Variants in ZNF92 observed in about 807,000 individuals in gnomAD.
ZNF92 encodes zinc finger protein 92, also known as epididymis luminal protein 203.
In ZNF92, 11 loss-of-function variants were observed where a neutral mutation model predicts 12.4. The ratio of observed to expected loss-of-function variants is 0.89; its 90% CI spans 0.56 to 1.47. ZNF92 has a LOEUF of 1.47. Among genes scored for constraint, ZNF92 ranks in the 40% most tolerant of loss-of-function variants. The pLI, the probability that ZNF92 is intolerant of heterozygous loss-of-function variation, is 0.00. For missense variants in ZNF92, 622 were observed against 681.0 expected, an observed-to-expected ratio of 0.91 and a Z score of 0.96; for synonymous variants, 206 against 228.6, an observed-to-expected ratio of 0.90 and a Z score of 0.89.
rs1793973737 is a variant in ZNF92 at position 65,400,127 on chromosome 7, A to AT, written c.*255dup. The AT allele has an allele frequency of 3.0e-6, 1 of 329,740 alleles. No individual in the cohort carries two copies. The allele number at this position is 329,740 out of a possible 1,614,324, so 20.4% of individuals were successfully genotyped here. A position where few individuals can be genotyped will look rare whatever the true frequency, so the allele number is the denominator to read the frequency against. On this transcript the variant is annotated 3_prime_UTR_variant, in exon 4 of 4. Coordinates refer to ENST00000328747, the MANE Select transcript of ZNF92 (RefSeq NM_152626.4). ...ATTGTATAAAGAATATGGAAAAGCCATTTATATCTGCTCACATGTAAAAAC... is the reference window on the plus strand; with the variant it reads ...ATTGTATAAAGAATATGGAAAAGCCATTTTATATCTGCTCACATGTAAAAAC...
intron 1 of ZNF92, among the ~76,000 whole-genome samples, chr7:65,377,567 G>A (rs1793279624): frequency 6.6e-6 from 1 of 151,808 alleles, no homozygotes; most frequent in African/African-American, 2.4e-5. Context: ...TTTTTGAGAT[G>A]GAGTCTTGCT....
At chr7:65,389,409 G>A (rs1026692641) in intron 3 of ZNF92, among the ~76,000 whole-genome samples, 1 of 152,124 alleles carries the variant, frequency 6.6e-6, no homozygotes, top group Admixed American at 6.5e-5. Flanking sequence ...TACAGTGAGA[G>A]CCAAAGTCCT....
In ZNF92 at chr7:65,398,993, C is replaced by T. The variant is rs144990507; in HGVS notation, c.879C>T (p.Ala293=). Residue 293 remains alanine (A), a synonymous_variant, in exon 4 of 4, where the codon GCC becomes GCT. Coordinates refer to ENST00000328747, the MANE Select transcript of ZNF92 (RefSeq NM_152626.4). ...ACAAATGTGAAGAATGTGGCAAGGC[C>T]TTTAACCAGTTCTCGATTCTTAATA... ...KPYKCEECGK[A]FNQFSILNKH... The T allele has an allele frequency of 1.7e-4, 271 of 1,612,574 alleles. 1 individual carries two copies. In the African/African-American group the frequency reaches 3.1e-3, roughly 19 times the overall value.
intron 1 of ZNF92, among the ~76,000 whole-genome samples, chr7:65,383,457 C>T (rs1793478349): frequency 6.6e-6 from 1 of 152,070 alleles, no homozygotes; most frequent in African/African-American, 2.4e-5. Flanking sequence ...AGGAGGCATT[C>T]TCTGCATTGT....
intron 3 of ZNF92, among the ~76,000 whole-genome samples, chr7:65,395,751 C>G (rs966252056): frequency 6.6e-6 from 1 of 152,082 alleles, no homozygotes; most frequent in African/African-American, 2.4e-5. Context: ...TTATCTCATG[C>G]TGGTACTTGA....
At chr7:65,394,071 T>G (rs1793789911) in intron 3 of ZNF92, among the ~76,000 whole-genome samples, 1 of 152,090 alleles carries the variant, frequency 6.6e-6, no homozygotes, top group Non-Finnish European at 1.5e-5. Context: ...TGTGTAAAAA[T>G]TTTGAAGTAT....
At position 65,376,835 on chromosome 7, in the gene ZNF92, C is replaced by G. The variant is rs1793255603; in HGVS notation, c.3+2835C>G. Among the ~76,000 whole-genome samples the G allele has an allele frequency of 2.0e-5, 3 of 152,110 alleles. 1 individual carries two copies. The South Asian group carries it at 6.2e-4, about 31-fold the overall frequency. On this transcript the variant is annotated intron_variant, in intron 1 of 3. Coordinates refer to ENST00000328747, the MANE Select transcript of ZNF92 (RefSeq NM_152626.4). Reference sequence around the variant, plus strand: ...CCAAGGAAAAGAATAGAGATAATCTCTCTTCCATTTTGGCTGTAGAAAATG... The same window carrying G: ...CCAAGGAAAAGAATAGAGATAATCTGTCTTCCATTTTGGCTGTAGAAAATG...
At chr7:65,376,943 A>T (rs112761397) in intron 1 of ZNF92, among the ~76,000 whole-genome samples, 74 of 152,248 alleles carry the variant, frequency 4.9e-4, no homozygotes, top group African/African-American at 1.7e-3. Flanking sequence ...TACAGCGAAT[A>T]TGTCTGTTCT....
At position 65,400,660 on chromosome 7, in the gene ZNF92, A is replaced by G. The variant is rs1793990278; in HGVS notation, c.*785A>G. On this transcript the variant is annotated 3_prime_UTR_variant, in exon 4 of 4. Transcript: ENST00000328747. ...TTATATATAACTTTAAAAGAAGTAGAAGATTTTTTGGAGATTTATAATTAC... is the reference window on the plus strand; with the variant it reads ...TTATATATAACTTTAAAAGAAGTAGGAGATTTTTTGGAGATTTATAATTAC... 6.6e-6 allele frequency: 1 copy of G among 151,990 alleles called. No individual in the cohort carries two copies. Among genetic ancestry groups the G allele is most frequent in the Admixed American group, 6.6e-5 (1 of 15,254 alleles). The allele number at this position is 151,990 out of a possible 1,614,324, so 9.4% of individuals were successfully genotyped here. A position where few individuals can be genotyped will look rare whatever the true frequency, so the allele number is the denominator to read the frequency against.
intron 3 of ZNF92, among the ~76,000 whole-genome samples, chr7:65,391,656 C>T (rs529400217): frequency 4.5e-4 from 68 of 152,066 alleles, no homozygotes; most frequent in Non-Finnish European, 8.1e-4. Flanking sequence ...TATTTGGCAA[C>T]GTAAGGCTAT....
At chr7:65,374,740 G>A (rs568673304) in intron 1 of ZNF92, among the ~76,000 whole-genome samples, 2 of 151,058 alleles carry the variant, frequency 1.3e-5, no homozygotes, top group Non-Finnish European at 3.0e-5. Context: ...TTTAAAGTAG[G>A]AACCCAGGGA....
chr7:65,378,576 A>G (rs1214359368), intron 1 of ZNF92, among the ~76,000 whole-genome samples: 2 of 151,250 alleles, frequency 1.3e-5, no homozygotes, highest in African/African-American at 4.9e-5. Context: ...CTCCATCTCT[A>G]CTAAAAATAC....
rs922293732 is a variant in ZNF92 at position 65,389,485 on chromosome 7, G to A, written c.226+584G>A. Reference sequence around the variant, plus strand: ...CATTGCTTTTGAGGACACACAAATAGCTGCATAATTTTGAGAAACTCTGTT... The same window carrying A: ...CATTGCTTTTGAGGACACACAAATAACTGCATAATTTTGAGAAACTCTGTT... On this transcript the variant is annotated intron_variant, in intron 3 of 3. Coordinates refer to ENST00000328747, the MANE Select transcript of ZNF92 (RefSeq NM_152626.4). Among the ~76,000 whole-genome samples the A allele has an allele frequency of 5.9e-5, 9 of 152,018 alleles. 1 individual carries two copies. Among genetic ancestry groups the A allele is most frequent in the Admixed American group, 5.9e-4 (9 of 15,256 alleles).
rs577667504 is a variant in ZNF92 at position 65,389,186 on chromosome 7, C to T, written c.226+285C>T. 3.7e-4 allele frequency among the ~76,000 whole-genome samples: 57 copies of T among 152,040 alleles called. 1 individual carries two copies. In the South Asian group the frequency reaches 1.0e-2, roughly 27 times the overall value. On this transcript the variant is annotated intron_variant, in intron 3 of 3. Coordinates refer to ENST00000328747, the MANE Select transcript of ZNF92 (RefSeq NM_152626.4). ...GTTGGTCAGGCTAGTCTCGAACTCTCGACTTCAGGTGATCCGCCCGCCTCA... is the reference window on the plus strand; with the variant it reads ...GTTGGTCAGGCTAGTCTCGAACTCTTGACTTCAGGTGATCCGCCCGCCTCA...
intron 2 of ZNF92, 98 bp downstream of exon 2, chr7:65,388,126 G>A: frequency 7.6e-7 from 1 of 1,307,384 alleles, no homozygotes; most frequent in Non-Finnish European, 1.0e-6. Context: ...GCATAAATGA[G>A]TTTCAGATCC....
chr7:65,389,590 C>G (rs1475540432), intron 3 of ZNF92, among the ~76,000 whole-genome samples: 1 of 151,784 alleles, frequency 6.6e-6, no homozygotes, highest in African/African-American at 2.4e-5. Flanking sequence ...GAGCTTGGCT[C>G]ACAGCAACCT....
rs1793949404 is a variant in ZNF92 at position 65,399,443 on chromosome 7, TAA to T, written c.1330_1331del (p.Lys444GlufsTer7). On this transcript the variant is annotated frameshift_variant, in exon 4 of 4. Transcript: ENST00000328747. LOFTEE classifies it low-confidence loss of function (END_TRUNC). ...GCTGGTCCTCAGCTTTTACTAAACA[TAA>T]GAGAAATCATATGGAAGATAAACCC... is the stretch of plus-strand genomic sequence containing the variant. Reference protein sequence around the residue: ...FSWSSAFTKHKRNHMEDKPYK... With the variant: ...FSWSSAFTKHXRNHMEDKPYK... 1 of 1,613,308 alleles carries T rather than the reference TAA, an allele frequency of 6.2e-7. No individual in the cohort carries two copies. The highest frequency in any genetic ancestry group is 1.3e-5 in the African/African-American group (1 of 74,736).
chr7:65,389,854 C>T (rs566077946), intron 3 of ZNF92, among the ~76,000 whole-genome samples: 10 of 151,742 alleles, frequency 6.6e-5, no homozygotes, highest in African/African-American at 1.2e-4. Flanking sequence ...TTTTCTGAGA[C>T]GGAGTCTTAC....
At position 65,400,735 on chromosome 7, in the gene ZNF92, CAATT is replaced by C. The variant is rs1793992806; in HGVS notation, c.*861_*864del. The C allele has an allele frequency of 6.6e-6, 1 of 151,794 alleles. No homozygotes were observed. The highest frequency in any genetic ancestry group is 1.5e-5 in the Non-Finnish European group (1 of 67,836). The allele number at this position is 151,794 out of a possible 1,614,324, so 9.4% of individuals were successfully genotyped here. A position where few individuals can be genotyped will look rare whatever the true frequency, so the allele number is the denominator to read the frequency against. On this transcript the variant is annotated 3_prime_UTR_variant, in exon 4 of 4. Coordinates refer to ENST00000328747, the MANE Select transcript of ZNF92 (RefSeq NM_152626.4). The stretch of plus-strand genomic sequence containing the variant: ...AAAAAATTACAGATTTTTTGAAAAG[CAATT>C]GATGTAATTTAACTCTCAAATTCAT...
Sources: allele counts gnomAD v4.1 joint callset (sites outside exome capture counted in the v4.1 genomes callset), GRCh38; gene constraint gnomAD v4.1.1; transcripts MANE v1.5; gene names NCBI Gene and HGNC (gene_info 2026-07-23, HGNC 2026-07-21).